The following ZBTB20 variants were observed in gnomAD, a reference collection of about 807,000 sequenced individuals.
The protein encoded by ZBTB20 is zinc finger and BTB domain-containing protein 20.
Under a neutral mutation model 56.9 loss-of-function variants are expected in ZBTB20, and 9 were observed. That is an observed-to-expected ratio of 0.16 (90% confidence interval 0.10 to 0.28). ZBTB20 has a LOEUF of 0.28. Ranked by LOEUF, ZBTB20 falls within the 10% of genes least tolerant of loss-of-function variation. The pLI, the probability that ZBTB20 is intolerant of heterozygous loss-of-function variation, is 1.00. For missense variants in ZBTB20, 655 were observed against 1,003.0 expected (o/e 0.65, Z 4.69); for synonymous variants, 417 against 420.7 (o/e 0.99, Z 0.11).
intron 5 of ZBTB20, chr3:114,743,832 T>A (rs2066818881): frequency 6.6e-6 from 1 of 152,226 alleles, no homozygotes; most frequent in Non-Finnish European, 1.5e-5. Flanking sequence ...TACTATCTAC[T>A]GAAATCAGAA....
intron 3 of ZBTB20, among the ~76,000 whole-genome samples, chr3:114,945,926 T>C (rs1428536661): frequency 6.9e-6 from 1 of 145,176 alleles, no homozygotes; most frequent in Non-Finnish European, 1.5e-5. Flanking sequence ...AAAGAAATAG[T>C]ACAAGAAGAG....
chr3:115,038,838 G>A (rs183232602), intron 2 of ZBTB20, among the ~76,000 whole-genome samples: 13 of 152,044 alleles, frequency 8.6e-5, no homozygotes, highest in South Asian at 2.1e-4. Context: ...AAGTGGTAAC[G>A]TCTAAAGGTT....
At chr3:114,599,064 T>C (rs566436369) in intron 6 of ZBTB20, among the ~76,000 whole-genome samples, 30 of 152,182 alleles carry the variant, frequency 2.0e-4, no homozygotes, top group African/African-American at 6.5e-4. Flanking sequence ...TGCCAGGACA[T>C]TGTTGAAATA....
chr3:114,537,808 T>TA (rs1484159592), intron 6 of ZBTB20, among the ~76,000 whole-genome samples: 10 of 152,022 alleles, frequency 6.6e-5, no homozygotes, highest in Non-Finnish European at 8.8e-5. Flanking sequence ...ATGCAGCCAT[T>TA]AAAAAAGGAT....
intron 3 of ZBTB20, among the ~76,000 whole-genome samples, chr3:114,973,411 G>GT (rs1488867841): frequency 6.6e-6 from 1 of 152,100 alleles, no homozygotes; most frequent in African/African-American, 2.4e-5. Flanking sequence ...TGAGAATGAA[G>GT]TTTTTTTCAG....
Position 114,458,288 on chromosome 3 carries a change from T to G in ZBTB20, c.-255+42064A>C, listed in dbSNP as rs554763997. On this transcript the variant is annotated intron_variant, in intron 7 of 11. Coordinates refer to ENST00000675478, the MANE Select transcript of ZBTB20 (RefSeq NM_001348800.3). ...CACTTCCTGTCACAAATGTGCTCTT[T>G]AAAAAAGCATACGAATACACACAAA... Among the ~76,000 whole-genome samples, 3 of 152,298 alleles carry G rather than the reference T, an allele frequency of 2.0e-5. No homozygotes were observed. In the East Asian group the frequency reaches 5.8e-4, roughly 29 times the overall value.
intron 2 of ZBTB20, among the ~76,000 whole-genome samples, chr3:115,070,321 T>C (rs966905303): frequency 2.3e-4 from 35 of 152,158 alleles, no homozygotes; most frequent in African/African-American, 7.2e-4. Flanking sequence ...AACAACTCTT[T>C]ATATTTTTGA....
intron 6 of ZBTB20, among the ~76,000 whole-genome samples, chr3:114,560,951 T>A (rs979529314): frequency 2.0e-5 from 3 of 152,226 alleles, no homozygotes; most frequent in Admixed American, 1.3e-4. Context: ...CATCGCATTA[T>A]CAAATGAGTT....
chr3:114,771,759 T>C (rs2069222532), intron 5 of ZBTB20, among the ~76,000 whole-genome samples: 1 of 152,214 alleles, frequency 6.6e-6, no homozygotes, highest in South Asian at 2.1e-4. Context: ...CCCCTCTTTG[T>C]CCACGTTTCC....
chr3:114,557,217 T>A (rs914631069), intron 6 of ZBTB20, among the ~76,000 whole-genome samples: 1 of 152,004 alleles, frequency 6.6e-6, no homozygotes, highest in Non-Finnish European at 1.5e-5. Context: ...CATGTGGGAA[T>A]AGTCATCCTT....
intron 7 of ZBTB20, among the ~76,000 whole-genome samples, chr3:114,458,704 T>A (rs547057348): frequency 5.9e-5 from 9 of 151,980 alleles, no homozygotes; most frequent in Non-Finnish European, 1.3e-4. Context: ...TTAACCCATT[T>A]ATTAGCTCTG....
intron 11 of ZBTB20, among the ~76,000 whole-genome samples, chr3:114,342,197 GTGTT>G (rs1052972190): frequency 1.3e-5 from 2 of 152,174 alleles, no homozygotes; most frequent in Non-Finnish European, 2.9e-5. Flanking sequence ...ATGAATGATT[GTGTT>G]TTAAGAAAAT....
chr3:114,898,213 A>G (rs1006953090), intron 4 of ZBTB20, among the ~76,000 whole-genome samples: 3 of 152,144 alleles, frequency 2.0e-5, no homozygotes, highest in African/African-American at 4.8e-5. Flanking sequence ...TGCTCAGGAA[A>G]GACGAGGCAT....
intron 4 of ZBTB20, among the ~76,000 whole-genome samples, chr3:114,881,560 C>T (rs777570387): frequency 5.9e-4 from 89 of 151,870 alleles, no homozygotes; most frequent in South Asian, 2.5e-3. Flanking sequence ...TTAATCATTG[C>T]TTAAATTAGC....
At chr3:114,716,468 A>G (rs1044462610) in intron 5 of ZBTB20, among the ~76,000 whole-genome samples, 1 of 152,178 alleles carries the variant, frequency 6.6e-6, no homozygotes, top group Non-Finnish European at 1.5e-5. Flanking sequence ...CTGCTGAAAA[A>G]AATCAATAGT....
At chr3:115,036,478 G>A (rs1045536127) in intron 2 of ZBTB20, among the ~76,000 whole-genome samples, 2 of 151,860 alleles carry the variant, frequency 1.3e-5, no homozygotes, top group African/African-American at 2.4e-5. Flanking sequence ...GCAGTGGTGC[G>A]ATCTCGGCTC....
chr3:114,399,811 A>G (rs1468720954), intron 7 of ZBTB20, among the ~76,000 whole-genome samples: 1 of 151,464 alleles, frequency 6.6e-6, no homozygotes, highest in Non-Finnish European at 1.5e-5. Context: ...AGATCTCTGG[A>G]TCTCTTTGCT....
At chr3:114,915,016 T>G (rs934555421) in intron 3 of ZBTB20, among the ~76,000 whole-genome samples, 21 of 151,668 alleles carry the variant, frequency 1.4e-4, no homozygotes, top group African/African-American at 5.1e-4. Context: ...TATTGGCCTG[T>G]GGTTTTCTTT....
At chr3:114,635,313 C>A (rs1396910299) in intron 6 of ZBTB20, among the ~76,000 whole-genome samples, 1 of 152,060 alleles carries the variant, frequency 6.6e-6, no homozygotes, top group Non-Finnish European at 1.5e-5. Flanking sequence ...TCATATTAAG[C>A]ACCATGAACT....
Sources: gnomAD v4.1 joint callset for allele counts (sites outside exome capture counted in the v4.1 genomes callset) on GRCh38, gnomAD v4.1.1 for gene constraint, MANE v1.5 for transcripts, NCBI Gene and HGNC (gene_info 2026-07-23, HGNC 2026-07-21) for gene names.